Variants in CTR9 observed in about 807,000 individuals in gnomAD.
CTR9 encodes the protein CTR9 component of Paf1/RNA polymerase II complex, also known as RNA polymerase-associated protein CTR9 homolog.
A neutral mutation model predicts 152.1 loss-of-function variants in CTR9; 41 were observed. The observed-to-expected ratio is 0.27, with a 90% CI of 0.21 to 0.35. The LOEUF is 0.35. Among genes scored for constraint, CTR9 ranks in the 10% least tolerant of loss-of-function variants. CTR9 has a pLI of 1.00. For synonymous variants in CTR9, 476 were observed against 496.2 expected (o/e 0.96, Z 0.54); for missense variants, 917 against 1,424.4 (o/e 0.64, Z 5.73).
intron 4 of CTR9, 81 bp downstream of exon 4, chr11:10,755,876 A>G: frequency 2.6e-6 from 2 of 755,884 alleles, no homozygotes; most frequent in Non-Finnish European, 4.5e-6. Context: ...ATAGCTCCTT[A>G]ATAACTCAGC....
chr11:10,776,970 TGA>T lies in CTR9; in HGVS notation c.3095+1338_3095+1339del, dbSNP rs1491433297. ...TCTGGGCAACAGAATGAGACTCTTGTGAAAAAAAAAAAAAAAAAAAAAAAAAG... is the reference window on the plus strand; with the variant it reads ...TCTGGGCAACAGAATGAGACTCTTGTAAAAAAAAAAAAAAAAAAAAAAAAG... On this transcript the variant is annotated intron_variant, in intron 24 of 24. Coordinates refer to ENST00000361367, the MANE Select transcript of CTR9 (RefSeq NM_014633.5). Among the ~76,000 whole-genome samples the T allele has an allele frequency of 4.2e-3, 109 of 26,130 alleles. 1 individual carries two copies. The highest frequency in any genetic ancestry group is 0.01 in the African/African-American group (100 of 9,684). 17.1% of individuals were successfully genotyped at this position (26,130 alleles called of 152,430 possible).
intron 1 of CTR9, among the ~76,000 whole-genome samples, chr11:10,752,117 T>C (rs1862813633): frequency 6.6e-6 from 1 of 152,210 alleles, no homozygotes; most frequent in Admixed American, 6.5e-5. Context: ...TGAGATATAA[T>C]ATTGAGGTAT....
At chr11:10,777,264 G>A (rs1863255170) in intron 24 of CTR9, among the ~76,000 whole-genome samples, 1 of 152,086 alleles carries the variant, frequency 6.6e-6, no homozygotes, top group Admixed American at 6.5e-5. Flanking sequence ...AGGTGAGGTG[G>A]CTCACGCCTA....
chr11:10,770,792 C>T (rs1180438287), intron 18 of CTR9, among the ~76,000 whole-genome samples, 160 bp downstream of exon 18: 1 of 152,162 alleles, frequency 6.6e-6, no homozygotes, highest in African/African-American at 2.4e-5. Flanking sequence ...AGAATCATTC[C>T]AGCAATAGTT....
At chr11:10,766,057 TA>T (rs957530777) in intron 12 of CTR9, among the ~76,000 whole-genome samples, 2 of 151,974 alleles carry the variant, frequency 1.3e-5, no homozygotes, top group Non-Finnish European at 2.9e-5. Context: ...CAGCTTTTTT[TA>T]AAAAAAGGTA....
rs142584512 is a variant in CTR9 at position 10,764,562 on chromosome 11, G to A, written c.1428G>A (p.Ala476=). ...NLGEAKKYFL[A]SLDRAKAEAE... Reference sequence around the variant, plus strand: ...CTTTCTCATAGAAATATTTTTTGGCGTCATTGGACCGTGCAAAAGCAGAAG... The same window carrying A: ...CTTTCTCATAGAAATATTTTTTGGCATCATTGGACCGTGCAAAAGCAGAAG... Residue 476 remains alanine (A), a synonymous_variant, in exon 12 of 25, where the codon GCG becomes GCA. Coordinates refer to ENST00000361367, the MANE Select transcript of CTR9 (RefSeq NM_014633.5). The A allele has an allele frequency of 4.1e-5, 66 of 1,604,416 alleles. No individual in the cohort carries two copies. Among genetic ancestry groups the A allele is most frequent in the African/African-American group, 5.4e-5 (4 of 74,354 alleles).
In CTR9 at chr11:10,774,209, A is replaced by G. The variant is rs185528842; in HGVS notation, c.2885+40A>G. The G allele has an allele frequency of 5.1e-6, 8 of 1,563,672 alleles. No homozygotes were observed. The Admixed American group carries it at 5.9e-5, about 12-fold the overall frequency. Reference sequence around the variant, plus strand: ...AATGTGCTTTAAGTAACCTCATAAAAGTGGTGAAAGACCTTTTACCTTCTG... The same window carrying G: ...AATGTGCTTTAAGTAACCTCATAAAGGTGGTGAAAGACCTTTTACCTTCTG... On this transcript the variant is annotated intron_variant, in intron 22 of 24. Transcript: ENST00000361367.
chr11:10,758,170 T>C (rs1019561845), intron 5 of CTR9, among the ~76,000 whole-genome samples: 17 of 152,216 alleles, frequency 1.1e-4, no homozygotes, highest in Admixed American at 7.2e-4. Context: ...GTAAGGACTT[T>C]AGTTTTTACA....
At chr11:10,766,582 C>A in intron 13 of CTR9, 92 bp downstream of exon 13, 1 of 859,178 alleles carries the variant, frequency 1.2e-6, no homozygotes, top group Non-Finnish European at 1.8e-6. Flanking sequence ...CTACATCTTC[C>A]TGGTTTTGTC....
At chr11:10,766,519 A>C (rs1175259622) in intron 13 of CTR9, 29 bp downstream of exon 13, 1 of 1,455,238 alleles carries the variant, frequency 6.9e-7, no homozygotes, top group East Asian at 2.4e-5. Flanking sequence ...TAGGTTTGAG[A>C]AATAATTATT....
chr11:10,771,010 C>G (rs1389148859), intron 18 of CTR9, among the ~76,000 whole-genome samples: 1 of 152,212 alleles, frequency 6.6e-6, no homozygotes, highest in East Asian at 1.9e-4. Context: ...CCATTTTACA[C>G]CAATGTGTCT....
intron 22 of CTR9, 35 bp from the exon 23 acceptor site, chr11:10,775,172 C>G (rs1344822870): frequency 1.9e-6 from 3 of 1,550,942 alleles, no homozygotes; most frequent in Admixed American, 1.7e-5. Flanking sequence ...TAGGTAGGCT[C>G]TTGACAAACT....
intron 18 of CTR9, among the ~76,000 whole-genome samples, chr11:10,771,010 C>CCAATG (rs1434241402): frequency 6.6e-6 from 1 of 152,212 alleles, no homozygotes; most frequent in Non-Finnish European, 1.5e-5. Context: ...CCATTTTACA[C>CCAATG]CAATGTGTCT....
At chr11:10,776,971 GAAAAAAAAAA>G (rs11326865) in intron 24 of CTR9, among the ~76,000 whole-genome samples, 4 of 63,236 alleles carry the variant, frequency 6.3e-5, no homozygotes, top group African/African-American at 2.3e-4. Context: ...AGACTCTTGT[GAAAAAAAAAA>G]AAAAAAAAAA....
At position 10,751,438 on chromosome 11, in the gene CTR9, C is replaced by T. The variant is rs968277436; in HGVS notation, c.26C>T (p.Pro9Leu). Residue 9 changes from proline (P) to leucine (L), a missense_variant, in exon 1 of 25, where the codon CCC (proline) becomes CTC (leucine). By Grantham distance (98) the Pro-to-Leu change is moderately conservative. This residue lies in a region of CTR9 where 14 missense variants were observed against 48.7 expected (regional missense o/e 0.29). Coordinates refer to ENST00000361367, the MANE Select transcript of CTR9 (RefSeq NM_014633.5). Reference sequence around the variant, plus strand: ...ATGTCGCGGGGCTCCATCGAGATTCCCCTCCGGGACACTGACGAGGTAAGT... The same window carrying T: ...ATGTCGCGGGGCTCCATCGAGATTCTCCTCCGGGACACTGACGAGGTAAGT... Reference protein sequence around the residue: MSRGSIEIPLRDTDEVIEL... With the variant: MSRGSIEILLRDTDEVIEL... 6.2e-7 allele frequency: 1 copy of T among 1,613,818 alleles called. No individual in the cohort carries two copies. The highest frequency in any genetic ancestry group is 8.5e-7 in the Non-Finnish European group (1 of 1,180,000).
chr11:10,764,875 C>A, intron 12 of CTR9, 144 bp downstream of exon 12: 1 of 703,674 alleles, frequency 1.4e-6, no homozygotes, highest in Non-Finnish European at 2.2e-6. Context: ...AAATTTGTGG[C>A]CTTAAAACAA....
At position 10,761,301 on chromosome 11, in the gene CTR9, G is replaced by C. The variant is rs187032528; in HGVS notation, c.742-646G>C. On this transcript the variant is annotated intron_variant, in intron 6 of 24. Coordinates refer to ENST00000361367, the MANE Select transcript of CTR9 (RefSeq NM_014633.5). ...GATTCATCCCCCGGGCCTGGGGAAGGGGGGAAGGGAACTTTCCTTCCTAAA... is the reference window on the plus strand; with the variant it reads ...GATTCATCCCCCGGGCCTGGGGAAGCGGGGAAGGGAACTTTCCTTCCTAAA... Among the ~76,000 whole-genome samples, 61 of 152,226 alleles carry C rather than the reference G, an allele frequency of 4.0e-4. 1 individual carries two copies. The South Asian group carries it at 6.4e-3, about 16-fold the overall frequency.
At chr11:10,774,317 G>A in intron 22 of CTR9, 148 bp downstream of exon 22, 1 of 916,388 alleles carries the variant, frequency 1.1e-6, no homozygotes, top group Non-Finnish European at 1.6e-6. Flanking sequence ...TTAATCCTAA[G>A]ATAGACCCCA....
At chr11:10,773,303 A>T in intron 21 of CTR9, 30 bp downstream of exon 21, 1 of 1,599,642 alleles carries the variant, frequency 6.3e-7, no homozygotes, top group Non-Finnish European at 8.5e-7. Flanking sequence ...AGCACAAGTG[A>T]CCTCATTCTC....
Sources: gnomAD v4.1 joint callset for allele counts (sites outside exome capture counted in the v4.1 genomes callset) on GRCh38, gnomAD v4.1.1 for gene constraint, gnomAD v4.1.1 regional missense constraint, MANE v1.5 for transcripts, NCBI Gene and HGNC (gene_info 2026-07-23, HGNC 2026-07-21) for gene names.